The following MRTFA variants were observed in gnomAD, a reference collection of about 807,000 sequenced individuals.
The protein encoded by MRTFA is myocardin-related transcription factor A.
A neutral mutation model predicts 83.5 loss-of-function variants in MRTFA; 20 were observed. That is an observed-to-expected ratio of 0.24 (90% CI 0.17 to 0.35). The LOEUF (loss-of-function observed/expected upper bound fraction) is 0.35. Among genes scored for constraint, MRTFA ranks in the 10% least tolerant of loss-of-function variants. MRTFA has a pLI of 1.00. For missense variants in MRTFA, 1,200 were observed against 1,224.7 expected (o/e 0.98, Z 0.30); for synonymous variants, 659 against 541.2 (o/e 1.22, Z -3.02).
intron 2 of MRTFA, among the ~76,000 whole-genome samples, chr22:40,588,259 C>G (rs1409496538): frequency 6.6e-6 from 1 of 152,098 alleles, no homozygotes; most frequent in Non-Finnish European, 1.5e-5. Context: ...TAACTCCTGA[C>G]CTTGTGATCC....
chr22:40,589,831 A>C (rs2056092501), intron 2 of MRTFA, among the ~76,000 whole-genome samples: 1 of 152,142 alleles, frequency 6.6e-6, no homozygotes, highest in Non-Finnish European at 1.5e-5. Context: ...GTTCAAGACC[A>C]GCCTGACCAA....
At chr22:40,432,873 A>G (rs1259155866) in intron 5 of MRTFA, among the ~76,000 whole-genome samples, 3 of 152,210 alleles carry the variant, frequency 2.0e-5, no homozygotes, top group Non-Finnish European at 4.4e-5. Context: ...AGAGATTGGT[A>G]GAGCAGGTGC....
chr22:40,470,419 A>G (rs2053889605), intron 3 of MRTFA, among the ~76,000 whole-genome samples: 1 of 151,252 alleles, frequency 6.6e-6, no homozygotes, highest in Non-Finnish European at 1.5e-5. Context: ...ACAATTTATC[A>G]AAATTTCTGG....
chr22:40,520,924 A>G (rs1031929122), intron 3 of MRTFA, among the ~76,000 whole-genome samples: 4 of 152,236 alleles, frequency 2.6e-5, no homozygotes, highest in Non-Finnish European at 5.9e-5. Context: ...TATATCTAGA[A>G]GTAGAATTGC....
chr22:40,414,784 G>A (rs1171542700), intron 14 of MRTFA, among the ~76,000 whole-genome samples: 1 of 152,188 alleles, frequency 6.6e-6, no homozygotes, highest in African/African-American at 2.4e-5. Context: ...GGAGCGGATA[G>A]GGGTGACAGT....
At chr22:40,496,309 G>C (rs1394172462) in intron 3 of MRTFA, among the ~76,000 whole-genome samples, 2 of 150,742 alleles carry the variant, frequency 1.3e-5, no homozygotes, top group Non-Finnish European at 3.0e-5. Context: ...CAGTAAATTT[G>C]AGCTGTTGTC....
chr22:40,495,984 T>C (rs2054348083), intron 3 of MRTFA, among the ~76,000 whole-genome samples: 1 of 151,628 alleles, frequency 6.6e-6, no homozygotes, highest in East Asian at 1.9e-4. Flanking sequence ...GAGAAGCGCT[T>C]GAACCTGGGA....
intron 1 of MRTFA, among the ~76,000 whole-genome samples, chr22:40,605,853 T>C (rs1395932316): frequency 6.6e-6 from 1 of 152,212 alleles, no homozygotes; most frequent in African/African-American, 2.4e-5. Context: ...CCTGGGAAGC[T>C]AAAACAGGCC....
chr22:40,563,099 C>T (rs918229861), intron 2 of MRTFA, among the ~76,000 whole-genome samples: 2 of 152,178 alleles, frequency 1.3e-5, no homozygotes, highest in African/African-American at 4.8e-5. Context: ...TCAATTACAA[C>T]AGTACCGGCC....
intron 3 of MRTFA, among the ~76,000 whole-genome samples, chr22:40,535,948 C>T (rs765090815): frequency 1.3e-5 from 2 of 152,054 alleles, no homozygotes; most frequent in Non-Finnish European, 2.9e-5. Context: ...CAATTCCACA[C>T]CCACTATCTC....
chr22:40,461,663 G>C (rs983830625), intron 4 of MRTFA, among the ~76,000 whole-genome samples: 14 of 150,728 alleles, frequency 9.3e-5, no homozygotes, highest in Non-Finnish European at 1.3e-4. Context: ...GCCAGGCGCT[G>C]TGGTGGGCAC....
At chr22:40,557,796 T>TA (rs1250206245) in intron 2 of MRTFA, among the ~76,000 whole-genome samples, 1 of 152,182 alleles carries the variant, frequency 6.6e-6, no homozygotes, top group African/African-American at 2.4e-5. Context: ...AAACTTATAT[T>TA]ACTGAGCTTG....
chr22:40,598,939 G>C (rs550884122), intron 1 of MRTFA, among the ~76,000 whole-genome samples: 249 of 150,452 alleles, frequency 1.7e-3, no homozygotes, highest in African/African-American at 5.9e-3. Context: ...TGGAGGTTGC[G>C]GTGAGTCAAG....
At chr22:40,624,370 G>A (rs1381109032) in intron 1 of MRTFA, among the ~76,000 whole-genome samples, 1 of 148,446 alleles carries the variant, frequency 6.7e-6, no homozygotes. Flanking sequence ...AGGTTGCAGG[G>A]AGCCGAGATC....
In MRTFA at chr22:40,419,139, C is replaced by T. The variant is rs577882907; in HGVS notation, c.1599G>A (p.Val533=). 33 of 1,587,158 alleles carry T rather than the reference C, an allele frequency of 2.1e-5. No individual in the cohort carries two copies. Among genetic ancestry groups the T allele is most frequent in the South Asian group, 1.8e-4 (16 of 88,300 alleles). ...CCACCCCACTGCTGGCCACCGTGGC[C>T]ACCACCACCTCAGCTGGAGCCAGGC... is the stretch of plus-strand genomic sequence containing the variant. The change falls in exon 12 of 15, where the codon GTG becomes GTA. Residue 533 remains valine, a synonymous_variant. Coordinates refer to ENST00000355630, the MANE Select transcript of MRTFA (RefSeq NM_020831.6).
chr22:40,421,311 G>A (rs1309421697), intron 9 of MRTFA, among the ~76,000 whole-genome samples: 1 of 152,148 alleles, frequency 6.6e-6, no homozygotes, highest in African/African-American at 2.4e-5. Context: ...GTGACAAAGA[G>A]GGCTATGCCT....
chr22:40,554,376 G>C (rs1416252714), intron 2 of MRTFA, among the ~76,000 whole-genome samples: 1 of 152,156 alleles, frequency 6.6e-6, no homozygotes, highest in Admixed American at 6.6e-5. Flanking sequence ...CATGTGTTGT[G>C]GGAGGGACCC....
At chr22:40,634,352 C>T (rs1250230217) in intron 1 of MRTFA, among the ~76,000 whole-genome samples, 5 of 152,200 alleles carry the variant, frequency 3.3e-5, no homozygotes, top group Non-Finnish European at 2.9e-5. Context: ...CTTGGCCTCC[C>T]GAAGTGCTAG....
intron 3 of MRTFA, chr22:40,526,183 T>TTTG (rs57693796): frequency 0.096 from 14,582 of 151,518 alleles, 861 homozygotes; most frequent in East Asian, 0.24. Context: ...GCCTGGCTAA[T>TTTG]TTGTTGTTGT....
Sources: allele counts gnomAD v4.1 joint callset (sites outside exome capture counted in the v4.1 genomes callset), GRCh38; gene constraint gnomAD v4.1.1; transcripts MANE v1.5; gene names NCBI Gene and HGNC (gene_info 2026-07-23, HGNC 2026-07-21).